EPHA6: variants seen among roughly 807,000 people sequenced by gnomAD.
The protein encoded by EPHA6 is EPH receptor A6.
EPHA6 carries 50 observed loss-of-function variants against 112.0 expected under a neutral mutation model. The observed-to-expected ratio is 0.45, with a 90% CI of 0.36 to 0.56. The LOEUF (loss-of-function observed/expected upper bound fraction) is 0.56. EPHA6 is among the 20% of genes least tolerant of loss of function. EPHA6 has a pLI of 0.00. For missense variants in EPHA6, 1,280 were observed against 1,417.4 expected, an observed-to-expected ratio of 0.90 and a Z score of 1.56; for synonymous variants, 529 against 490.7, an observed-to-expected ratio of 1.08 and a Z score of -1.03.
intron 5 of EPHA6, among the ~76,000 whole-genome samples, chr3:97,356,824 C>T (rs2084102061): frequency 6.6e-6 from 1 of 151,912 alleles, no homozygotes; most frequent in Non-Finnish European, 1.5e-5. Flanking sequence ...TGGTTTAAGC[C>T]CTATGTCCTT....
chr3:96,975,580 A>G (rs2042489131), intron 2 of EPHA6, among the ~76,000 whole-genome samples: 1 of 152,222 alleles, frequency 6.6e-6, no homozygotes, highest in African/African-American at 2.4e-5. Flanking sequence ...ATATAAGTTC[A>G]GTATATAAAT....
chr3:97,211,744 A>C (rs929610525), intron 3 of EPHA6, among the ~76,000 whole-genome samples: 1 of 152,214 alleles, frequency 6.6e-6, no homozygotes. Flanking sequence ...TCAGTCAATA[A>C]CACCTATTCT....
chr3:97,508,680 G>C (rs1240817619), intron 10 of EPHA6, among the ~76,000 whole-genome samples: 1 of 152,086 alleles, frequency 6.6e-6, no homozygotes, highest in African/African-American at 2.4e-5. Context: ...GGTCCACTTG[G>C]TCCAGAGCTG....
chr3:97,314,598 T>C (rs1165680018), intron 5 of EPHA6, among the ~76,000 whole-genome samples: 1 of 151,746 alleles, frequency 6.6e-6, no homozygotes, highest in Admixed American at 6.6e-5. Context: ...ATCTTCATTC[T>C]GAATCACAAT....
chr3:97,243,744 T>C (rs1280227670), intron 4 of EPHA6, among the ~76,000 whole-genome samples: 1 of 151,924 alleles, frequency 6.6e-6, no homozygotes, highest in Non-Finnish European at 1.5e-5. Flanking sequence ...ACTCCAAAAA[T>C]TTATGATATA....
chr3:97,347,254 C>T (rs1214436954), intron 5 of EPHA6, among the ~76,000 whole-genome samples: 2 of 151,976 alleles, frequency 1.3e-5, no homozygotes, highest in African/African-American at 4.8e-5. Flanking sequence ...ACTTTATCCA[C>T]TTTGGCTTCT....
chr3:97,480,176 A>T (rs909648410), intron 9 of EPHA6, among the ~76,000 whole-genome samples: 2 of 151,204 alleles, frequency 1.3e-5, no homozygotes, highest in Non-Finnish European at 3.0e-5. Flanking sequence ...TTTATTTTTT[A>T]TTATTATTTT....
chr3:97,130,268 GT>G (rs1462572178), intron 3 of EPHA6, among the ~76,000 whole-genome samples: 1 of 151,526 alleles, frequency 6.6e-6, no homozygotes, highest in African/African-American at 2.4e-5. Flanking sequence ...TCTCGGGGTT[GT>G]TTTTTTCTCT....
At chr3:97,388,306 A>G (rs1253409000) in intron 5 of EPHA6, among the ~76,000 whole-genome samples, 1 of 152,154 alleles carries the variant, frequency 6.6e-6, no homozygotes, top group Admixed American at 6.6e-5. Context: ...TGGAGAAGAA[A>G]ACTTTTTTTT....
intron 4 of EPHA6, among the ~76,000 whole-genome samples, chr3:97,240,172 T>C (rs1318748572): frequency 6.6e-6 from 1 of 151,868 alleles, no homozygotes; most frequent in Non-Finnish European, 1.5e-5. Flanking sequence ...TGAAATTCAT[T>C]GATACGTATG....
At chr3:97,010,464 T>C (rs1003602155) in intron 3 of EPHA6, among the ~76,000 whole-genome samples, 9 of 152,178 alleles carry the variant, frequency 5.9e-5, no homozygotes, top group African/African-American at 2.2e-4. Flanking sequence ...AATATTTGCA[T>C]ACCTCTGCCC....
intron 5 of EPHA6, among the ~76,000 whole-genome samples, chr3:97,351,287 T>G (rs1359466486): frequency 6.6e-6 from 1 of 152,266 alleles, no homozygotes; most frequent in East Asian, 1.9e-4. Flanking sequence ...AACCTTCAAC[T>G]CAGAAGTGAC....
intron 11 of EPHA6, among the ~76,000 whole-genome samples, chr3:97,587,065 A>T: frequency 6.6e-6 from 1 of 152,124 alleles, no homozygotes; most frequent in East Asian, 1.9e-4. Flanking sequence ...CAACATAGTA[A>T]AACCCTGTCT....
intron 3 of EPHA6, among the ~76,000 whole-genome samples, chr3:96,988,956 G>T (rs1026107939): frequency 1.3e-5 from 2 of 151,910 alleles, no homozygotes; most frequent in Admixed American, 1.3e-4. Flanking sequence ...CTAATAAAGA[G>T]CATACGTTTG....
chr3:97,646,266 G>A (rs2094061700), intron 14 of EPHA6: 2 of 1,533,250 alleles, frequency 1.3e-6, no homozygotes, highest in Non-Finnish European at 8.7e-7. Context: ...GGGAGCCAGT[G>A]GCCAGACCAG....
intron 3 of EPHA6, among the ~76,000 whole-genome samples, chr3:97,018,725 T>C (rs2107971172): frequency 6.6e-6 from 1 of 152,286 alleles, no homozygotes; most frequent in African/African-American, 2.4e-5. Context: ...CGGTTAGGCC[T>C]CCGGATAACC....
intron 2 of EPHA6, among the ~76,000 whole-genome samples, chr3:96,972,811 A>G (rs562015500): frequency 6.6e-6 from 1 of 152,332 alleles, no homozygotes; most frequent in East Asian, 1.9e-4. Flanking sequence ...GCTAAGAAAC[A>G]AACTATCTGC....
intron 3 of EPHA6, among the ~76,000 whole-genome samples, chr3:97,133,581 C>A (rs940933608): frequency 6.6e-6 from 1 of 151,924 alleles, no homozygotes; most frequent in Non-Finnish European, 1.5e-5. Context: ...ATCCCTATGT[C>A]TAATGCTAAC....
intron 5 of EPHA6, among the ~76,000 whole-genome samples, chr3:97,276,739 A>G (rs113276839): frequency 0.012 from 1,803 of 152,256 alleles, 23 homozygotes; most frequent in Non-Finnish European, 0.017. Flanking sequence ...GCTATAAAGC[A>G]TCTCAGGGTT....
Sources: allele counts gnomAD v4.1 joint callset (sites outside exome capture counted in the v4.1 genomes callset), GRCh38; gene constraint gnomAD v4.1.1; transcripts MANE v1.5; gene names NCBI Gene and HGNC (gene_info 2026-07-23, HGNC 2026-07-21).